ADAMTS17: variants seen among roughly 807,000 people sequenced by gnomAD.
ADAMTS17 encodes the protein ADAM metallopeptidase with thrombospondin type 1 motif 17, also known as A disintegrin and metalloproteinase with thrombospondin motifs 17.
A neutral mutation model predicts 141.5 loss-of-function variants in ADAMTS17; 113 were observed. The ratio of observed to expected loss-of-function variants is 0.80; its 90% CI spans 0.69 to 0.93. ADAMTS17 has a LOEUF of 0.93. Among genes scored for constraint, ADAMTS17 ranks in the 40% least tolerant of loss-of-function variants. ADAMTS17 has a pLI of 0.00. For synonymous variants in ADAMTS17, 768 were observed against 630.6 expected, an observed-to-expected ratio of 1.22 and a Z score of -3.27; for missense variants, 1,659 against 1,517.9, an observed-to-expected ratio of 1.09 and a Z score of -1.54.
At chr15:100,227,879 C>G (rs2042359279) in intron 7 of ADAMTS17, among the ~76,000 whole-genome samples, 1 of 152,206 alleles carries the variant, frequency 6.6e-6, no homozygotes, top group Non-Finnish European at 1.5e-5. Flanking sequence ...CTGCTAAGTC[C>G]ACAACTAGCA....
At chr15:100,124,755 G>A (rs1201730261) in intron 12 of ADAMTS17, among the ~76,000 whole-genome samples, 4 of 149,632 alleles carry the variant, frequency 2.7e-5, no homozygotes, top group African/African-American at 9.7e-5. Flanking sequence ...AGGTAGAGAG[G>A]CTTTGGTGAG....
intron 14 of ADAMTS17, among the ~76,000 whole-genome samples, chr15:100,104,984 G>A (rs889213871): frequency 2.0e-5 from 3 of 152,212 alleles, no homozygotes; most frequent in Non-Finnish European, 4.4e-5. Flanking sequence ...TGTGAGCATC[G>A]ATTTAAGAGT....
chr15:100,202,168 C>T (rs1045938601), intron 7 of ADAMTS17, among the ~76,000 whole-genome samples: 6 of 152,350 alleles, frequency 3.9e-5, no homozygotes, highest in Middle Eastern at 3.4e-3. Flanking sequence ...AACACATCCC[C>T]CCTGGCCTCA....
chr15:100,319,435 G>T (rs2141897837), intron 3 of ADAMTS17, among the ~76,000 whole-genome samples: 1 of 152,312 alleles, frequency 6.6e-6, no homozygotes, highest in Non-Finnish European at 1.5e-5. Context: ...GAAGCTGGCT[G>T]GGCAGTGGCT....
intron 9 of ADAMTS17, among the ~76,000 whole-genome samples, 189 bp from the exon 10 acceptor site, chr15:100,152,951 G>GC (rs1446048105): frequency 1.4e-4 from 3 of 21,572 alleles, no homozygotes; most frequent in South Asian, 3.5e-3. Context: ...TTTCTACATG[G>GC]CCAAATGTGA....
At chr15:100,147,981 C>T (rs2038988530) in intron 10 of ADAMTS17, among the ~76,000 whole-genome samples, 1 of 152,232 alleles carries the variant, frequency 6.6e-6, no homozygotes, top group Non-Finnish European at 1.5e-5. Flanking sequence ...TGTTGCATTC[C>T]TTGGCTCATA....
intron 8 of ADAMTS17, among the ~76,000 whole-genome samples, chr15:100,182,317 G>A (rs529332089): frequency 2.4e-4 from 37 of 152,260 alleles, no homozygotes; most frequent in Admixed American, 1.7e-3. Flanking sequence ...ACTCACTATC[G>A]CAAGAACAGC....
intron 8 of ADAMTS17, among the ~76,000 whole-genome samples, chr15:100,190,548 C>A (rs190878864): frequency 1.5e-4 from 23 of 152,234 alleles, no homozygotes; most frequent in African/African-American, 5.5e-4. Context: ...GAGGTCATTT[C>A]CAGAATGAGA....
At chr15:100,212,077 T>C (rs1228350036) in intron 7 of ADAMTS17, among the ~76,000 whole-genome samples, 1 of 152,202 alleles carries the variant, frequency 6.6e-6, no homozygotes, top group Admixed American at 6.5e-5. Context: ...CTTATGTGTA[T>C]GCACACATAT....
At chr15:100,233,184 G>C (rs772205277) in intron 7 of ADAMTS17, among the ~76,000 whole-genome samples, 24 of 152,096 alleles carry the variant, frequency 1.6e-4, no homozygotes, top group Non-Finnish European at 3.1e-4. Context: ...CAAAAAATGA[G>C]TCGGGCGTGG....
At chr15:100,331,204 G>A in intron 2 of ADAMTS17, 150 bp from the exon 3 acceptor site, 2 of 973,246 alleles carry the variant, frequency 2.1e-6, no homozygotes, top group Non-Finnish European at 3.2e-6. Flanking sequence ...ATTTACCTGA[G>A]CCCAAGAGTG....
At chr15:100,208,235 A>C (rs2041654960) in intron 7 of ADAMTS17, among the ~76,000 whole-genome samples, 2 of 152,196 alleles carry the variant, frequency 1.3e-5, no homozygotes, top group South Asian at 4.1e-4. Context: ...TCTCAATGAA[A>C]ACCGAGCGGC....
At chr15:100,009,894 G>C (rs28737169) in intron 18 of ADAMTS17, among the ~76,000 whole-genome samples, 5,660 of 152,292 alleles carry the variant, frequency 0.037, 360 homozygotes, top group African/African-American at 0.13. Flanking sequence ...CCTGCTCTGA[G>C]CTTTGAGTTT....
At chr15:100,254,873 A>T (rs1181443368) in intron 6 of ADAMTS17, among the ~76,000 whole-genome samples, 1 of 152,204 alleles carries the variant, frequency 6.6e-6, no homozygotes. Context: ...GAGGGACAGC[A>T]TGAGGAAGAA....
At chr15:100,036,018 A>G (rs1257117937) in intron 18 of ADAMTS17, among the ~76,000 whole-genome samples, 2 of 152,216 alleles carry the variant, frequency 1.3e-5, no homozygotes, top group Non-Finnish European at 2.9e-5. Flanking sequence ...CTTGACTCTC[A>G]GTTCCAAACC....
chr15:100,148,046 C>T (rs768196490), intron 10 of ADAMTS17, among the ~76,000 whole-genome samples: 1 of 152,218 alleles, frequency 6.6e-6, no homozygotes, highest in Non-Finnish European at 1.5e-5. Context: ...TCTCTTATTA[C>T]TCACCCTGAT....
At chr15:100,206,426 C>G (rs2041564751) in intron 7 of ADAMTS17, among the ~76,000 whole-genome samples, 1 of 152,202 alleles carries the variant, frequency 6.6e-6, no homozygotes, top group African/African-American at 2.4e-5. Context: ...GCAATGGACC[C>G]TGGTGAATTT....
At chr15:100,091,978 G>T (rs1175782167) in intron 15 of ADAMTS17, among the ~76,000 whole-genome samples, 1 of 152,192 alleles carries the variant, frequency 6.6e-6, no homozygotes, top group East Asian at 1.9e-4. Context: ...TCGCCCCTCA[G>T]AATGGGAGGT....
chr15:100,062,135 GA>G (rs561897898), intron 15 of ADAMTS17, among the ~76,000 whole-genome samples: 13 of 152,342 alleles, frequency 8.5e-5, no homozygotes, highest in Admixed American at 2.6e-4. Flanking sequence ...GACAGCTGAG[GA>G]GGAGAGTGCC....
Sources: gnomAD v4.1 joint callset for allele counts (sites outside exome capture counted in the v4.1 genomes callset) on GRCh38, gnomAD v4.1.1 for gene constraint, MANE v1.5 for transcripts, NCBI Gene and HGNC (gene_info 2026-07-23, HGNC 2026-07-21) for gene names.